The following FBXW8 variants were observed in gnomAD, a reference collection of about 807,000 sequenced individuals.
The protein encoded by FBXW8 is F-box/WD repeat-containing protein 8.
FBXW8 carries 57 observed loss-of-function variants against 65.3 expected under a neutral mutation model. That is an observed-to-expected ratio of 0.87 (90% CI 0.71 to 1.09). The LOEUF is 1.09. Ranked by LOEUF, FBXW8 falls within the 50% of genes least tolerant of loss-of-function variation. FBXW8 has a pLI of 0.00. For missense variants in FBXW8, 777 were observed against 814.8 expected (o/e 0.95, Z 0.57); for synonymous variants, 308 against 330.2 (o/e 0.93, Z 0.73).
At chr12:117,008,771 A>G (rs2135707096) in intron 7 of FBXW8, among the ~76,000 whole-genome samples, 1 of 152,372 alleles carries the variant, frequency 6.6e-6, no homozygotes, top group East Asian at 1.9e-4. Flanking sequence ...GTGTGTGCTG[A>G]GAGGAGAAAT....
At chr12:117,018,576 A>C (rs1954013935) in intron 8 of FBXW8, among the ~76,000 whole-genome samples, 1 of 150,556 alleles carries the variant, frequency 6.6e-6, no homozygotes, top group South Asian at 2.1e-4. Flanking sequence ...GACTTAGCAC[A>C]CTGTGCTGTC....
At chr12:116,947,346 G>C (rs4299000) in intron 3 of FBXW8, among the ~76,000 whole-genome samples, 116,780 of 152,054 alleles carry the variant, frequency 0.77, 46,287 homozygotes, top group Non-Finnish European at 0.86. Flanking sequence ...TTTCCTGACA[G>C]TGTTAACAAG....
At chr12:116,914,398 C>A (rs979294355) in intron 1 of FBXW8, among the ~76,000 whole-genome samples, 1 of 149,396 alleles carries the variant, frequency 6.7e-6, no homozygotes, top group Non-Finnish European at 1.5e-5. Context: ...ACCTGGGCAA[C>A]GTAGAGAAAC....
At chr12:116,978,824 A>G (rs1214161165) in intron 5 of FBXW8, 1 of 152,162 alleles carries the variant, frequency 6.6e-6, no homozygotes, top group Admixed American at 6.5e-5. Flanking sequence ...TTTTTTTCCA[A>G]AACCAGTTCA....
At position 116,911,248 on chromosome 12, in the gene FBXW8, G is replaced by A; in HGVS notation, c.211G>A (p.Ala71Thr). Residue 71 changes from alanine to threonine, a missense_variant, in exon 1 of 11, where the codon GCG becomes ACG. Physicochemically the swap from Ala to Thr is moderately conservative, Grantham distance 58 (BLOSUM62 0). Transcript: ENST00000652555. ...CGCGGGGAGGCCCCCGGCGGCGCGG[G>A]CGACTCGGGCCGAGGGGCAGGACGT... is the stretch of plus-strand genomic sequence containing the variant. ...EGAGRPPAAR[A>T]TRAEGQDVAS... 2.4e-6 allele frequency: 3 copies of A among 1,243,230 alleles called. No homozygotes were observed. Among genetic ancestry groups the A allele is most frequent in the Non-Finnish European group, 3.0e-6 (3 of 996,234 alleles). 77.0% of individuals were successfully genotyped at this position (1,243,230 alleles called of 1,614,324 possible).
In FBXW8 at chr12:117,010,316, C is replaced by G. The variant is rs564642656; in HGVS notation, c.1240-7C>G. 11 of 1,614,226 alleles carry G rather than the reference C, an allele frequency of 6.8e-6. No individual in the cohort carries two copies. In the South Asian group the frequency reaches 8.8e-5, roughly 13 times the overall value. Reference sequence around the variant, plus strand: ...TGTGGGCCCACACATTTCTCTTCCTCTCTCAGATCCTGGTGTATAGCCTGG... The same window carrying G: ...TGTGGGCCCACACATTTCTCTTCCTGTCTCAGATCCTGGTGTATAGCCTGG... On this transcript the variant is annotated splice_region_variant and splice_polypyrimidine_tract_variant and intron_variant, in intron 7 of 10. Coordinates refer to ENST00000652555, the MANE Select transcript of FBXW8 (RefSeq NM_153348.3).
chr12:116,955,773 TA>T (rs1883603277), intron 4 of FBXW8, among the ~76,000 whole-genome samples: 1 of 152,130 alleles, frequency 6.6e-6, no homozygotes, highest in Admixed American at 6.5e-5. Context: ...CTCTGGAAGT[TA>T]AGTGTTGCAA....
intron 7 of FBXW8, among the ~76,000 whole-genome samples, chr12:116,999,532 G>T (rs1209207172): frequency 1.3e-5 from 2 of 152,154 alleles, no homozygotes; most frequent in Non-Finnish European, 2.9e-5. Context: ...CTCCCCGAGC[G>T]CATTTCCCCT....
rs902037708 is a variant in FBXW8, at chr12:116,936,049, T to C, written c.423+7922T>C. 6.6e-6 allele frequency among the ~76,000 whole-genome samples: 1 copy of C among 151,998 alleles called. No individual in the cohort carries two copies. The highest frequency in any genetic ancestry group is 2.4e-5 in the African/African-American group (1 of 41,356). On this transcript the variant is annotated intron_variant, in intron 2 of 10. Transcript: ENST00000652555. The surrounding 1 kb of genome is among the most constrained non-coding windows in gnomAD (Gnocchi z 4.6). ...TTCCATTGTATATACAATAAAGACA[T>C]GATTAAATAGAGTTATCAGATGGCA...
intron 5 of FBXW8, chr12:116,977,783 A>G (rs984992539): frequency 6.6e-6 from 1 of 152,182 alleles, no homozygotes; most frequent in Non-Finnish European, 1.5e-5. Flanking sequence ...CTTCTCCATC[A>G]ATCTGTTTTT....
intron 1 of FBXW8, among the ~76,000 whole-genome samples, chr12:116,916,098 T>C (rs1880386163): frequency 1.3e-5 from 2 of 152,222 alleles, no homozygotes; most frequent in South Asian, 4.1e-4. Flanking sequence ...ACATCTTATC[T>C]ACTGTTGATG....
At chr12:116,965,563 A>T (rs563558201) in intron 5 of FBXW8, among the ~76,000 whole-genome samples, 1 of 152,146 alleles carries the variant, frequency 6.6e-6, no homozygotes. Flanking sequence ...CACAAGCTTC[A>T]TGTCCCCACT....
At chr12:116,922,407 T>G (rs1456792419) in intron 1 of FBXW8, among the ~76,000 whole-genome samples, 1 of 152,198 alleles carries the variant, frequency 6.6e-6, no homozygotes, top group Non-Finnish European at 1.5e-5. Flanking sequence ...AGTAAAAATG[T>G]TATTGCAAAT....
intron 7 of FBXW8, among the ~76,000 whole-genome samples, chr12:117,008,825 G>A (rs1408381044): frequency 6.6e-6 from 1 of 152,206 alleles, no homozygotes; most frequent in South Asian, 2.1e-4. Context: ...CTGAGGCCAG[G>A]CGTGCTGGCT....
At chr12:116,941,779 A>G (rs1882582215) in intron 2 of FBXW8, among the ~76,000 whole-genome samples, 1 of 151,934 alleles carries the variant, frequency 6.6e-6, no homozygotes, top group Admixed American at 6.6e-5. Flanking sequence ...TGTTAAATAG[A>G]TATTGTCTAG....
intron 3 of FBXW8, chr12:116,949,296 C>T: frequency 3.4e-6 from 1 of 294,982 alleles, no homozygotes; most frequent in Non-Finnish European, 6.4e-6. Context: ...CCAGCAGATA[C>T]ATGCCAGCCT....
intron 5 of FBXW8, among the ~76,000 whole-genome samples, chr12:116,976,450 CTTTTTTTTTTT>C (rs35364851): frequency 1.5e-5 from 1 of 64,620 alleles, no homozygotes; most frequent in African/African-American, 5.6e-5. Flanking sequence ...CCAAAGGATC[CTTTTTTTTTTT>C]TTTTTTTTTT....
Position 116,936,626 on chromosome 12 carries a change from T to A in FBXW8, c.423+8499T>A, listed in dbSNP as rs1882178752. On this transcript the variant is annotated intron_variant, in intron 2 of 10. Coordinates refer to ENST00000652555, the MANE Select transcript of FBXW8 (RefSeq NM_153348.3). This position sits in a 1 kb window ranked among gnomAD's most constrained non-coding sequence, Gnocchi z 4.6. ...GCTGGAAAAGGTAAGAAAACTGTTT[T>A]CTTTCTGAAGCCTCCGGAAGGAATG... is the stretch of plus-strand genomic sequence containing the variant. Among the ~76,000 whole-genome samples, 1 of 152,158 alleles carries A rather than the reference T, an allele frequency of 6.6e-6. No individual in the cohort carries two copies. Among genetic ancestry groups the A allele is most frequent in the Non-Finnish European group, 1.5e-5 (1 of 68,032 alleles).
At chr12:116,981,857 G>T (rs530519806) in intron 5 of FBXW8, among the ~76,000 whole-genome samples, 2 of 151,972 alleles carry the variant, frequency 1.3e-5, no homozygotes, top group Non-Finnish European at 2.9e-5. Context: ...CAAGTGATAC[G>T]CCCACCGCAG....
Sources: allele counts gnomAD v4.1 joint callset (sites outside exome capture counted in the v4.1 genomes callset), GRCh38; gene constraint gnomAD v4.1.1; non-coding constraint Gnocchi (gnomAD v3.1); transcripts MANE v1.5; gene names NCBI Gene and HGNC (gene_info 2026-07-23, HGNC 2026-07-21).